IGSF10: variants seen among roughly 807,000 people sequenced by gnomAD.
IGSF10 encodes immunoglobulin superfamily member 10.
Under a neutral mutation model 128.2 loss-of-function variants are expected in IGSF10, and 126 were observed. The ratio of observed to expected loss-of-function variants is 0.98; its 90% CI spans 0.85 to 1.14. IGSF10 has a LOEUF of 1.14. IGSF10 is among the 50% of genes most tolerant of loss of function. The pLI, the probability that IGSF10 is intolerant of heterozygous loss-of-function variation, is 0.00. For missense variants in IGSF10, 3,295 were observed against 3,149.8 expected (o/e 1.05, Z -1.10); for synonymous variants, 1,185 against 1,146.2 (o/e 1.03, Z -0.68).
the IGSF10 span, among the ~76,000 whole-genome samples, chr3:151,476,909 A>T: frequency 1.4e-3 from 210 of 152,328 alleles, no homozygotes; most frequent in African/African-American, 5.0e-3. Context: ...TGTTTAGAAG[A>T]TGCCTACCAG....
the IGSF10 span, among the ~76,000 whole-genome samples, chr3:151,491,259 A>G: frequency 2.0e-5 from 3 of 152,164 alleles, no homozygotes; most frequent in African/African-American, 7.2e-5. Context: ...CAAATTGATA[A>G]ATTTCTAGGA....
the IGSF10 span, among the ~76,000 whole-genome samples, chr3:151,491,039 G>A: frequency 6.6e-6 from 1 of 151,876 alleles, no homozygotes; most frequent in Non-Finnish European, 1.5e-5. Context: ...AAAACAGAAA[G>A]CCATGGAAAG....
At chr3:151,580,771 T>C in the IGSF10 span, among the ~76,000 whole-genome samples, 1 of 152,208 alleles carries the variant, frequency 6.6e-6, no homozygotes, top group East Asian at 1.9e-4. Context: ...ATTGCCTTTG[T>C]AATTCTAACA....
chr3:151,595,516 A>G, the IGSF10 span, among the ~76,000 whole-genome samples: 1 of 148,760 alleles, frequency 6.7e-6, no homozygotes, highest in African/African-American at 2.4e-5. Flanking sequence ...TAGCATCAAT[A>G]CTCTAATATA....
upstream of IGSF10, among the ~76,000 whole-genome samples, chr3:151,463,523 G>GGTTTTTTTTTTTGTT (rs1553837068): frequency 1.9e-4 from 6 of 31,272 alleles, no homozygotes; most frequent in African/African-American, 6.1e-4. Context: ...ACATTTTCTG[G>GGTTTTTTTTTTTGTT]TTTTTTTTTT....
At chr3:151,479,221 A>T in the IGSF10 span, among the ~76,000 whole-genome samples, 1 of 152,138 alleles carries the variant, frequency 6.6e-6, no homozygotes, top group Admixed American at 6.5e-5. Context: ...GATGGAAAGT[A>T]GGATGCTGGT....
chr3:151,437,428 CGT>C lies in IGSF10; in HGVS notation c.7131_7132del (p.Arg2378IlefsTer22), dbSNP rs1291494165. 1.9e-6 allele frequency: 3 copies of C among 1,614,080 alleles called. No individual in the cohort carries two copies. The highest frequency in any genetic ancestry group is 2.5e-6 in the Non-Finnish European group (3 of 1,180,038). Reference sequence around the variant, plus strand: ...ATAACTTTGTGGTCCATTGGAAAATCGTGTGCCATTTGGTAAAATCCAGATTA... The same window carrying C: ...ATAACTTTGTGGTCCATTGGAAAATCGTGCCATTTGGTAAAATCCAGATTA... On this transcript the variant is annotated frameshift_variant, in exon 8 of 8. Coordinates refer to ENST00000282466, the MANE Select transcript of IGSF10 (RefSeq NM_178822.5). LOFTEE classifies it low-confidence loss of function (END_TRUNC).
the IGSF10 span, among the ~76,000 whole-genome samples, chr3:151,512,013 C>T: frequency 0.3 from 44,762 of 151,454 alleles, 7,290 homozygotes; most frequent in Middle Eastern, 0.41. Flanking sequence ...ACCATAATAA[C>T]GGGAGACTTT....
the IGSF10 span, among the ~76,000 whole-genome samples, chr3:151,556,586 A>AAG: frequency 5.9e-5 from 9 of 151,392 alleles, no homozygotes; most frequent in Admixed American, 1.3e-4. Context: ...GAGAGTAAGG[A>AAG]AGAGAGAGAG....
chr3:151,582,291 C>CTG, the IGSF10 span, among the ~76,000 whole-genome samples: 5 of 17,860 alleles, frequency 2.8e-4, no homozygotes, highest in Non-Finnish European at 4.2e-4. Flanking sequence ...TTAAAAATAT[C>CTG]CGGGGGGGGG....
chr3:151,519,072 A>T, the IGSF10 span, among the ~76,000 whole-genome samples: 6 of 152,048 alleles, frequency 3.9e-5, no homozygotes, highest in South Asian at 1.2e-3. Context: ...GAGATGGGAG[A>T]TCACAGAATA....
In IGSF10 at chr3:151,458,697, C is replaced by T. The variant is rs1390540410; in HGVS notation, c.13G>A (p.Gly5Ser). 10 of 1,612,872 alleles carry T rather than the reference C, an allele frequency of 6.2e-6. No individual in the cohort carries two copies. Among genetic ancestry groups the T allele is most frequent in the Non-Finnish European group, 7.6e-6 (9 of 1,179,478 alleles). Residue 5 changes from glycine (G) to serine (S), a missense_variant, in exon 3 of 8, where the codon GGC (glycine) becomes AGC (serine). By Grantham distance (56) the Gly-to-Ser change is moderately conservative. Transcript: ENST00000282466. The stretch of plus-strand genomic sequence containing the variant: ...ACCAGCAAGCAGGTGATTCCTCTGC[C>T]TTTTACCTTCATCCTGAAAAAACAT... MKVK[G>S]RGITCLLVSF...
the IGSF10 span, among the ~76,000 whole-genome samples, chr3:151,472,325 G>C: frequency 6.6e-6 from 1 of 152,308 alleles, no homozygotes; most frequent in East Asian, 1.9e-4. Flanking sequence ...GCCTTCCAAT[G>C]TAGTAAAGCT....
chr3:151,504,558 T>G, the IGSF10 span, among the ~76,000 whole-genome samples: 1 of 152,180 alleles, frequency 6.6e-6, no homozygotes, highest in East Asian at 1.9e-4. Flanking sequence ...AAAGTTCCAA[T>G]AGTTACATAT....
the IGSF10 span, among the ~76,000 whole-genome samples, chr3:151,498,003 T>C: frequency 1.3e-5 from 2 of 152,198 alleles, no homozygotes; most frequent in Non-Finnish European, 2.9e-5. Flanking sequence ...AGAATGCTTG[T>C]GATTTTTGCA....
At chr3:151,518,680 AT>A in the IGSF10 span, among the ~76,000 whole-genome samples, 3,130 of 152,024 alleles carry the variant, frequency 0.021, 108 homozygotes, top group African/African-American at 0.071. Flanking sequence ...ATGTTGTTTT[AT>A]TTAAAATGTT....
the IGSF10 span, among the ~76,000 whole-genome samples, chr3:151,570,846 T>A: frequency 2.0e-5 from 3 of 152,230 alleles, no homozygotes; most frequent in African/African-American, 7.2e-5. Flanking sequence ...TAGGTTTTCT[T>A]CTAGGGCTTT....
upstream of IGSF10, among the ~76,000 whole-genome samples, chr3:151,465,092 A>G (rs140853077): frequency 2.0e-5 from 3 of 152,344 alleles, no homozygotes; most frequent in East Asian, 5.8e-4. Flanking sequence ...GGCAATTATA[A>G]TAGTCCAGCC....
At chr3:151,505,035 G>A in the IGSF10 span, among the ~76,000 whole-genome samples, 4 of 152,080 alleles carry the variant, frequency 2.6e-5, no homozygotes, top group African/African-American at 7.2e-5. Context: ...GCCAACCTCT[G>A]CCTATTACCC....
Sources: gnomAD v4.1 joint callset for allele counts (sites outside exome capture counted in the v4.1 genomes callset) on GRCh38, gnomAD v4.1.1 for gene constraint, MANE v1.5 for transcripts, NCBI Gene and HGNC (gene_info 2026-07-23, HGNC 2026-07-21) for gene names.